Variants in PARD3 observed in about 807,000 individuals in gnomAD.
PARD3 encodes par-3 family cell polarity regulator, also known as partitioning defective 3 homolog.
Under a neutral mutation model 155.4 loss-of-function variants are expected in PARD3, and 75 were observed. The ratio of observed to expected loss-of-function variants is 0.48; its 90% CI spans 0.40 to 0.58. The LOEUF is 0.58. Among genes scored for constraint, PARD3 ranks in the 20% least tolerant of loss-of-function variants. PARD3 has a pLI of 0.00. For synonymous variants in PARD3, 576 were observed against 610.5 expected (o/e 0.94, Z 0.83); for missense variants, 1,642 against 1,721.7 (o/e 0.95, Z 0.82).
chr10:34,119,809 C>T, intron 23 of PARD3, 69 bp from the exon 24 acceptor site: 1 of 1,336,014 alleles, frequency 7.5e-7, no homozygotes, highest in Non-Finnish European at 1.0e-6. Flanking sequence ...CTGGTTGACT[C>T]CATTTCGATT....
At chr10:34,119,495 GTTGC>G in intron 24 of PARD3, 114 bp downstream of exon 24, 1 of 1,044,806 alleles carries the variant, frequency 9.6e-7, no homozygotes, top group Non-Finnish European at 1.3e-6. Flanking sequence ...TGGTTCCTCT[GTTGC>G]TACCAGGGGC....
At chr10:34,773,047 G>A (rs754021194) in intron 1 of PARD3, among the ~76,000 whole-genome samples, 3 of 152,042 alleles carry the variant, frequency 2.0e-5, no homozygotes, top group Non-Finnish European at 4.4e-5. Flanking sequence ...ACCAAAAACA[G>A]CTGACACATC....
chr10:34,179,997 T>C (rs1476863258), intron 22 of PARD3, among the ~76,000 whole-genome samples: 2 of 152,146 alleles, frequency 1.3e-5, no homozygotes, highest in Non-Finnish European at 2.9e-5. Context: ...GATACAGGCA[T>C]GCAATGTGAC....
intron 2 of PARD3, among the ~76,000 whole-genome samples, chr10:34,671,584 T>C (rs1479892310): frequency 1.3e-5 from 2 of 151,940 alleles, no homozygotes; most frequent in Non-Finnish European, 2.9e-5. Context: ...TCAAGAAAAA[T>C]ACCAAGGAGT....
chr10:34,234,998 A>G (rs1953140309), intron 22 of PARD3, among the ~76,000 whole-genome samples: 1 of 152,216 alleles, frequency 6.6e-6, no homozygotes, highest in Admixed American at 6.5e-5. Context: ...TTTATTTACC[A>G]AGTTTTGTGC....
chr10:34,716,750 C>T (rs1323533089), intron 1 of PARD3, among the ~76,000 whole-genome samples: 2 of 151,478 alleles, frequency 1.3e-5, no homozygotes, highest in Non-Finnish European at 2.9e-5. Flanking sequence ...GCGCCACCAC[C>T]CCCGGCTAAT....
rs773530152 is a variant in PARD3, at chr10:34,807,334, G to C, written c.120+7542C>G. 5.9e-5 allele frequency among the ~76,000 whole-genome samples: 9 copies of C among 152,274 alleles called. No homozygotes were observed. The East Asian group carries it at 1.3e-3, about 23-fold the overall frequency. ...CAGAACTACAAAATACCTAAAAATG[G>C]AGCGTTGTTCATAGTGGCTTATGCA... On this transcript the variant is annotated intron_variant, in intron 1 of 24. Transcript: ENST00000374788.
At chr10:34,694,256 G>A (rs57472444) in intron 2 of PARD3, among the ~76,000 whole-genome samples, 2,846 of 152,060 alleles carry the variant, frequency 0.019, 90 homozygotes, top group African/African-American at 0.065. Flanking sequence ...ATACTCTGGT[G>A]GAAAAAGAGC....
intron 2 of PARD3, among the ~76,000 whole-genome samples, chr10:34,547,308 G>A (rs2084161315): frequency 6.6e-6 from 1 of 152,160 alleles, no homozygotes; most frequent in Non-Finnish European, 1.5e-5. Context: ...GAACACTGGG[G>A]TTTCAAAATC....
At chr10:34,203,235 T>C (rs947842333) in intron 22 of PARD3, among the ~76,000 whole-genome samples, 30 of 152,146 alleles carry the variant, frequency 2.0e-4, no homozygotes, top group African/African-American at 6.8e-4. Flanking sequence ...GCAAAACACT[T>C]CAATCTATAT....
At chr10:34,440,132 T>TTAA (rs1363417116) in intron 5 of PARD3, among the ~76,000 whole-genome samples, 1 of 152,128 alleles carries the variant, frequency 6.6e-6, no homozygotes, top group Non-Finnish European at 1.5e-5. Flanking sequence ...ATAGATTAAA[T>TTAA]AGCTAGATCA....
chr10:34,182,138 T>C (rs1243092770), intron 22 of PARD3, among the ~76,000 whole-genome samples: 1 of 152,164 alleles, frequency 6.6e-6, no homozygotes, highest in Non-Finnish European at 1.5e-5. Context: ...GTGCTTGTCT[T>C]GCTGGGAGGA....
In PARD3 at chr10:34,801,339, A is replaced by G. The variant is rs77941035; in HGVS notation, c.120+13537T>C. 2.1e-3 allele frequency among the ~76,000 whole-genome samples: 319 copies of G among 152,340 alleles called. 2 individuals are homozygous for G. Among genetic ancestry groups the G allele is most frequent in the African/African-American group, 7.3e-3 (304 of 41,576 alleles). ...AGCTTTACTACTTCAATCACTGCTTAGCGACTTCCCTAAATGCATATGGGG... is the reference window on the plus strand; with the variant it reads ...AGCTTTACTACTTCAATCACTGCTTGGCGACTTCCCTAAATGCATATGGGG... On this transcript the variant is annotated intron_variant, in intron 1 of 24. Transcript: ENST00000374788.
At chr10:34,320,581 C>T (rs1958311347) in intron 19 of PARD3, among the ~76,000 whole-genome samples, 1 of 152,110 alleles carries the variant, frequency 6.6e-6, no homozygotes, top group African/African-American at 2.4e-5. Flanking sequence ...AATGGCAGTG[C>T]CTTCACAACT....
intron 2 of PARD3, among the ~76,000 whole-genome samples, chr10:34,642,034 C>T (rs1329475695): frequency 2.0e-5 from 3 of 151,988 alleles, no homozygotes; most frequent in Non-Finnish European, 4.4e-5. Context: ...CTGCCCAGAG[C>T]CCACCGGGGG....
intron 2 of PARD3, among the ~76,000 whole-genome samples, chr10:34,666,805 A>ATATATATATATATATATG (rs1554804648): frequency 3.0e-5 from 3 of 101,690 alleles, no homozygotes; most frequent in African/African-American, 1.4e-4. Context: ...AAATATATAT[A>ATATATATATATATATATG]TATATATATA....
At chr10:34,629,636 T>A (rs1451511902) in intron 2 of PARD3, among the ~76,000 whole-genome samples, 1 of 152,218 alleles carries the variant, frequency 6.6e-6, no homozygotes, top group Non-Finnish European at 1.5e-5. Flanking sequence ...TCAAAATTAA[T>A]ATTGCACTGC....
chr10:34,772,792 T>TAAAAA (rs555582256), intron 1 of PARD3, among the ~76,000 whole-genome samples: 3 of 90,304 alleles, frequency 3.3e-5, no homozygotes, highest in Non-Finnish European at 2.2e-5. Flanking sequence ...AGACTCCATC[T>TAAAAA]AAAAAAAAAA....
intron 14 of PARD3, among the ~76,000 whole-genome samples, chr10:34,350,856 G>A (rs758318293): frequency 3.9e-4 from 60 of 152,140 alleles, no homozygotes; most frequent in African/African-American, 1.2e-3. Context: ...TTTAGGTTGC[G>A]GCAAGATAAC....
Sources: allele counts gnomAD v4.1 joint callset (sites outside exome capture counted in the v4.1 genomes callset), GRCh38; gene constraint gnomAD v4.1.1; transcripts MANE v1.5; gene names NCBI Gene and HGNC (gene_info 2026-07-23, HGNC 2026-07-21).